The following PHF3 variants were observed in gnomAD, a reference collection of about 807,000 sequenced individuals.
PHF3 encodes PHD finger protein 3.
Under a neutral mutation model 178.4 loss-of-function variants are expected in PHF3, and 41 were observed. That is an observed-to-expected ratio of 0.23 (90% CI 0.18 to 0.30). PHF3 has a LOEUF of 0.30. Ranked by LOEUF, PHF3 falls within the 10% of genes least tolerant of loss-of-function variation. The pLI is 1.00. For missense variants in PHF3, 2,346 were observed against 2,398.1 expected, an observed-to-expected ratio of 0.98 and a Z score of 0.45; for synonymous variants, 842 against 800.5, an observed-to-expected ratio of 1.05 and a Z score of -0.88.
chr6:63,691,819 G>A lies in PHF3; in HGVS notation c.2272G>A (p.Gly758Ser), dbSNP rs150303674. ...GLSLSQAQQM[G>S]EEDKEYVCVK... ...AAGTCTTTCTCAAGCACAGCAGATG[G>A]GCGAGGAAGACAAAGAATATGTCTG... The change falls in exon 5 of 16, where the codon GGC becomes AGC. Residue 758 changes from glycine (G) to serine (S), a missense_variant. Gly to Ser is a moderately conservative substitution (Grantham distance 56). Coordinates refer to ENST00000262043, the MANE Select transcript of PHF3 (RefSeq NM_001370348.2). 3.5e-4 allele frequency: 570 copies of A among 1,613,562 alleles called. 2 individuals are homozygous for A. The highest frequency in any genetic ancestry group is 1.2e-4 in the Admixed American group (7 of 59,920).
intron 2 of PHF3, among the ~76,000 whole-genome samples, chr6:63,653,320 C>T (rs1440013911): frequency 3.9e-5 from 6 of 151,942 alleles, no homozygotes; most frequent in East Asian, 1.9e-4. Flanking sequence ...CTTCTAACCA[C>T]GAACGTTGGA....
At chr6:63,679,631 G>A in intron 2 of PHF3, 1 of 332,656 alleles carries the variant, frequency 3.0e-6, no homozygotes, top group Admixed American at 4.0e-5. Context: ...AATCTTTCAG[G>A]GTATGGAACT....
At position 63,721,404 on chromosome 6, in the gene PHF3, C is replaced by A. The variant is rs746440557; in HGVS notation, c.*7696C>A. 7.1e-6 allele frequency: 11 copies of A among 1,551,380 alleles called. No individual in the cohort carries two copies. In the Admixed American group the frequency reaches 1.2e-4, roughly 17 times the overall value. On this transcript the variant is annotated 3_prime_UTR_variant, in exon 16 of 16. Coordinates refer to ENST00000262043, the MANE Select transcript of PHF3 (RefSeq NM_001370348.2). ...GCATGTGTTGTACCCACAGGCTGTC[C>A]CATCACAGTCACCTACATTTGAGCC...
At position 63,684,239 on chromosome 6, in the gene PHF3, G is replaced by A. The variant is rs1196514727; in HGVS notation, c.517G>A (p.Val173Met). 1 of 1,613,990 alleles carries A rather than the reference G, an allele frequency of 6.2e-7. No individual in the cohort carries two copies. Among genetic ancestry groups the A allele is most frequent in the South Asian group, 1.1e-5 (1 of 91,082 alleles). Residue 173 changes from valine (V) to methionine (M), a missense_variant, in exon 4 of 16, where the codon GTG becomes ATG. Val to Met is a conservative substitution (Grantham distance 21). This residue lies in a region of PHF3 where 843 missense variants were observed against 795.2 expected (regional missense o/e 1.06). Coordinates refer to ENST00000262043, the MANE Select transcript of PHF3 (RefSeq NM_001370348.2). ...GKTVSTAKAG[V>M]KQPERSQVKE... The stretch of plus-strand genomic sequence containing the variant: ...GACTGTATCTACTGCTAAAGCAGGA[G>A]TGAAACAACCAGAAAGGAGTCAGGT...
rs1561988561 is a variant in PHF3, at chr6:63,713,640, G to A, written c.6052G>A (p.Gly2018Arg). The change falls in exon 16 of 16, where the codon GGA becomes AGA. Residue 2018 changes from glycine to arginine, a missense_variant. Gly to Arg is a moderately radical substitution (Grantham distance 125, BLOSUM62 -2). Around this residue, in one of 8 missense-constraint regions of PHF3, gnomAD observed 839 missense variants for 806.9 expected, o/e 1.04. Transcript: ENST00000262043. ...ACGAGAGAAAAGTAAACACAGAGAA[G>A]GAGAAAAGGACAGGGATAGGTACCA... ...KEREKSKHRE[G>R]EKDRDRYHKD... is the part of the protein sequence containing the mutation. 6.2e-7 allele frequency: 1 copy of A among 1,611,708 alleles called. No individual in the cohort carries two copies. The highest frequency in any genetic ancestry group is 8.5e-7 in the Non-Finnish European group (1 of 1,179,348).
rs1241787129 is a variant in PHF3, at chr6:63,720,829, C to G, written c.*7121C>G. The G allele has an allele frequency of 3.3e-5, 51 of 1,551,028 alleles. No individual in the cohort carries two copies. Among genetic ancestry groups the G allele is most frequent in the African/African-American group, 1.1e-4 (8 of 72,976 alleles). On this transcript the variant is annotated 3_prime_UTR_variant, in exon 16 of 16. Coordinates refer to ENST00000262043, the MANE Select transcript of PHF3 (RefSeq NM_001370348.2). ...AAGTTTTTATGTGGATCAATATCCT[C>G]GGAAAGAATTAGACTGTTATTTATG...
Position 63,711,220 on chromosome 6 carries a change from T to C in PHF3, c.3855T>C (p.Tyr1285=), listed in dbSNP as rs1353250795. 1.2e-6 allele frequency: 2 copies of C among 1,611,924 alleles called. No homozygotes were observed. Among genetic ancestry groups the C allele is most frequent in the Non-Finnish European group, 1.7e-6 (2 of 1,179,206 alleles). Residue 1285 remains tyrosine, a synonymous_variant, in exon 15 of 16, where the codon TAT becomes TAC. Transcript: ENST00000262043. ...TAACTGAAGAAGATCAAATTTCTTA[T>C]ACTTTGCTCTTTGCATACTTCAGTA... ...TPVTEEDQIS[Y]TLLFAYFSSR...
At position 63,715,539 on chromosome 6, in the gene PHF3, G is replaced by A. The variant is rs913300083; in HGVS notation, c.*1831G>A. 1.3e-5 allele frequency: 2 copies of A among 152,202 alleles called. No individual in the cohort carries two copies. Among genetic ancestry groups the A allele is most frequent in the Admixed American group, 6.6e-5 (1 of 15,258 alleles). 9.4% of individuals were successfully genotyped at this position (152,202 alleles called of 1,614,324 possible). ...TCTTTTGCAAGATGAAAGTAAAAAC[G>A]AGTGGGTTAATGAATGAAAACAAGC... On this transcript the variant is annotated 3_prime_UTR_variant, in exon 16 of 16. Transcript: ENST00000262043.
intron 2 of PHF3, among the ~76,000 whole-genome samples, chr6:63,675,615 C>G (rs1766131769): frequency 6.6e-6 from 1 of 152,090 alleles, no homozygotes; most frequent in African/African-American, 2.4e-5. Context: ...TCAGGAGGAG[C>G]AGGAGTTCAA....
In PHF3 at chr6:63,718,648, G is replaced by A. The variant is rs1402634017; in HGVS notation, c.*4940G>A. On this transcript the variant is annotated 3_prime_UTR_variant, in exon 16 of 16. Transcript: ENST00000262043. ...ATATATGAAGAAAATCTGGCTATAT[G>A]TGCATTTGTTTTTGGGAAAGGGAGG... Among the ~76,000 whole-genome samples the A allele has an allele frequency of 6.6e-6, 1 of 151,922 alleles. No individual in the cohort carries two copies. The highest frequency in any genetic ancestry group is 1.5e-5 in the Non-Finnish European group (1 of 67,932).
rs1039219732 is a variant in PHF3, at chr6:63,716,982, A to G, written c.*3274A>G. On this transcript the variant is annotated 3_prime_UTR_variant, in exon 16 of 16. Transcript: ENST00000262043. ...ACAGGTGTTCCAAGGATTGGGGTGT[A>G]GACATCTTTTGGGGGATTATCATCT... is the stretch of plus-strand genomic sequence containing the variant. 1.3e-5 allele frequency among the ~76,000 whole-genome samples: 2 copies of G among 152,024 alleles called. No individual in the cohort carries two copies. Among genetic ancestry groups the G allele is most frequent in the African/African-American group, 4.8e-5 (2 of 41,376 alleles).
At chr6:63,675,027 G>A (rs1448201725) in intron 2 of PHF3, among the ~76,000 whole-genome samples, 2 of 152,126 alleles carry the variant, frequency 1.3e-5, no homozygotes, top group African/African-American at 2.4e-5. Context: ...AAAAAGATAG[G>A]TTTAAATTAC....
At chr6:63,673,272 A>C (rs549891906) in intron 2 of PHF3, among the ~76,000 whole-genome samples, 2 of 152,160 alleles carry the variant, frequency 1.3e-5, no homozygotes, top group Non-Finnish European at 2.9e-5. Context: ...AAAGATACAG[A>C]TATCTGCTTA....
chr6:63,693,104 A>T (rs929711765), intron 5 of PHF3, among the ~76,000 whole-genome samples: 4 of 152,200 alleles, frequency 2.6e-5, no homozygotes, highest in African/African-American at 9.6e-5. Context: ...ACGTGTTATT[A>T]CTTTGTTGAT....
chr6:63,721,726 T>C lies in PHF3; in HGVS notation c.*8018T>C. 1 of 1,550,976 alleles carries C rather than the reference T, an allele frequency of 6.4e-7. No individual in the cohort carries two copies. Among genetic ancestry groups the C allele is most frequent in the Non-Finnish European group, 8.7e-7 (1 of 1,146,322 alleles). ...GTTACTTTTTGGAGAGTTTCTAGAA[T>C]GATAGTTCTGTCGCCAAGGTTGTAG... On this transcript the variant is annotated 3_prime_UTR_variant, in exon 16 of 16. Transcript: ENST00000262043.
Position 63,720,682 on chromosome 6 carries a change from A to T in PHF3, c.*6974A>T. Reference sequence around the variant, plus strand: ...TCAATGTTTTTTGGTTCCTGAAAAAATACAACATCTTTAATTTTGCCAACA... The same window carrying T: ...TCAATGTTTTTTGGTTCCTGAAAAATTACAACATCTTTAATTTTGCCAACA... On this transcript the variant is annotated 3_prime_UTR_variant, in exon 16 of 16. Coordinates refer to ENST00000262043, the MANE Select transcript of PHF3 (RefSeq NM_001370348.2). 1 of 1,547,318 alleles carries T rather than the reference A, an allele frequency of 6.5e-7. No homozygotes were observed. The highest frequency in any genetic ancestry group is 2.5e-5 in the East Asian group (1 of 40,794).
chr6:63,698,171 G>C, intron 6 of PHF3, 52 bp from the exon 7 acceptor site: 1 of 1,421,282 alleles, frequency 7.0e-7, no homozygotes, highest in South Asian at 1.3e-5. Flanking sequence ...CATTAAAAAG[G>C]AAAGATATTT....
Position 63,713,268 on chromosome 6 carries a change from G to A in PHF3, c.5680G>A (p.Glu1894Lys). 1 of 1,614,038 alleles carries A rather than the reference G, an allele frequency of 6.2e-7. No individual in the cohort carries two copies. The highest frequency in any genetic ancestry group is 8.5e-7 in the Non-Finnish European group (1 of 1,179,980). The change falls in exon 16 of 16, where the codon GAA (glutamate) becomes AAA (lysine). Residue 1894 changes from glutamate to lysine, a missense_variant. Coordinates refer to ENST00000262043, the MANE Select transcript of PHF3 (RefSeq NM_001370348.2). ...CCAGGTTAAAGACATTCGGAGGCCA[G>A]AAAGGCGCCATAGTGACCCTTGGGG... ...FYQVKDIRRPERRHSDPWGRQ... is the reference protein window; with the variant it reads ...FYQVKDIRRPKRRHSDPWGRQ...
intron 1 of PHF3, chr6:63,636,859 C>CA (rs1427051572): frequency 7.2e-5 from 11 of 151,994 alleles, no homozygotes; most frequent in Admixed American, 7.2e-4. Context: ...GATCACCTGA[C>CA]ACGGGGGGCG....
Sources: gnomAD v4.1 joint callset for allele counts (sites outside exome capture counted in the v4.1 genomes callset) on GRCh38, gnomAD v4.1.1 for gene constraint, gnomAD v4.1.1 regional missense constraint, MANE v1.5 for transcripts, NCBI Gene and HGNC (gene_info 2026-07-23, HGNC 2026-07-21) for gene names.